The following SYNE1 variants were observed in gnomAD, a reference collection of about 807,000 sequenced individuals.
SYNE1 encodes the protein nesprin-1.
SYNE1 carries 616 observed loss-of-function variants against 1,111.0 expected under a neutral mutation model. That is an observed-to-expected ratio of 0.55 (90% CI 0.52 to 0.59). The LOEUF (loss-of-function observed/expected upper bound fraction) is 0.59. Ranked by LOEUF, SYNE1 falls within the 20% of genes least tolerant of loss-of-function variation. The pLI is 0.00. For synonymous variants in SYNE1, 3,855 were observed against 3,825.8 expected (o/e 1.01, Z -0.28); for missense variants, 10,006 against 10,417.0 (o/e 0.96, Z 1.72).
chr6:152,528,940 C>A (rs1049064121), intron 4 of SYNE1, among the ~76,000 whole-genome samples: 2 of 152,116 alleles, frequency 1.3e-5, no homozygotes, highest in South Asian at 2.1e-4. Flanking sequence ...TCCTGTCTAA[C>A]AAGGTGACTC....
intron 97 of SYNE1, among the ~76,000 whole-genome samples, chr6:152,278,769 T>C (rs945455394): frequency 1.3e-5 from 2 of 151,678 alleles, no homozygotes; most frequent in South Asian, 2.1e-4. Context: ...GGCCCTTTTT[T>C]GTTTTTGTTT....
At chr6:152,263,589 G>A (rs573244754) in intron 100 of SYNE1, among the ~76,000 whole-genome samples, 1 of 151,156 alleles carries the variant, frequency 6.6e-6, no homozygotes, top group Non-Finnish European at 1.5e-5. Context: ...TGTAGAGACA[G>A]GGTCTCACTA....
At chr6:152,597,943 A>G (rs2099586444) in intron 3 of SYNE1, among the ~76,000 whole-genome samples, 1 of 152,172 alleles carries the variant, frequency 6.6e-6, no homozygotes, top group African/African-American at 2.4e-5. Context: ...TTGATCCACG[A>G]GCTCCATCTA....
rs1164208064 is a variant in SYNE1, at chr6:152,140,178, A to G, written c.25247-17T>C. 4 of 1,613,278 alleles carry G rather than the reference A, an allele frequency of 2.5e-6. No individual in the cohort carries two copies. Among genetic ancestry groups the G allele is most frequent in the South Asian group, 1.1e-5 (1 of 91,072 alleles). On this transcript the variant is annotated splice_polypyrimidine_tract_variant and intron_variant, in intron 139 of 145. Transcript: ENST00000367255. ...CAATCACACCTGGCAAGACATGCAT[A>G]GAACAGTGAGGTTATTTTCCTCTAC...
chr6:152,176,437 C>T lies in SYNE1; in HGVS notation c.23584G>A (p.Val7862Ile), dbSNP rs754870774. 6.2e-7 allele frequency: 1 copy of T among 1,613,994 alleles called. No individual in the cohort carries two copies. Reference protein sequence around the residue: ...ASEIEYKLGKVNDRWQHLLDL... With the variant: ...ASEIEYKLGKINDRWQHLLDL... ...AGGAGATGCTGCCACCGGTCGTTGACCTTTCCCAGCTTGTATTCAATCTCA... is the reference window on the plus strand; with the variant it reads ...AGGAGATGCTGCCACCGGTCGTTGATCTTTCCCAGCTTGTATTCAATCTCA... The change falls in exon 130 of 146, where the codon GTC (valine) becomes ATC (isoleucine). Residue 7862 changes from valine to isoleucine, a missense_variant. Val to Ile is a conservative substitution (Grantham distance 29). Coordinates refer to ENST00000367255, the MANE Select transcript of SYNE1 (RefSeq NM_182961.4).
At chr6:152,269,362 T>G in intron 98 of SYNE1, 76 bp from the exon 99 acceptor site, 1 of 1,608,706 alleles carries the variant, frequency 6.2e-7, no homozygotes, top group Admixed American at 1.7e-5. Context: ...AAGGCTACTT[T>G]GGTGTGATCT....
At chr6:152,197,621 G>A (rs563004847) in intron 127 of SYNE1, among the ~76,000 whole-genome samples, 16 of 152,262 alleles carry the variant, frequency 1.1e-4, no homozygotes, top group Middle Eastern at 3.4e-3. Flanking sequence ...GGGTGACTAC[G>A]TGCATTATCA....
At chr6:152,631,822 C>T (rs1206086236) in intron 2 of SYNE1, among the ~76,000 whole-genome samples, 2 of 152,084 alleles carry the variant, frequency 1.3e-5, no homozygotes. Flanking sequence ...ATTAATTGAG[C>T]TCAGCAGAAG....
At chr6:152,615,727 G>A (rs1211897493) in intron 3 of SYNE1, among the ~76,000 whole-genome samples, 1 of 152,110 alleles carries the variant, frequency 6.6e-6, no homozygotes, top group African/African-American at 2.4e-5. Flanking sequence ...TAATTATATA[G>A]TCAAAGAAGT....
At chr6:152,421,715 A>ATTTT (rs1275113073) in intron 39 of SYNE1, among the ~76,000 whole-genome samples, 2 of 131,832 alleles carry the variant, frequency 1.5e-5, no homozygotes, top group Non-Finnish European at 3.2e-5. Context: ...TTATTTATTT[A>ATTTT]TTTTTTGGAG....
In SYNE1 at chr6:152,409,102, G is replaced by C; in HGVS notation, c.6506C>G (p.Thr2169Arg). ...TTTGTCCACGGTGCTCTCCATGTCTGTTTTCACCAAGCTGAAATCACTACT... is the reference window on the plus strand; with the variant it reads ...TTTGTCCACGGTGCTCTCCATGTCTCTTTTCACCAAGCTGAAATCACTACT... ...IHSSDFSLVK[T>R]DMESTVDKWL... Residue 2169 changes from threonine to arginine, a missense_variant, in exon 44 of 146, where the codon ACA becomes AGA. Transcript: ENST00000367255. 6.2e-7 allele frequency: 1 copy of C among 1,614,110 alleles called. No individual in the cohort carries two copies. The highest frequency in any genetic ancestry group is 8.5e-7 in the Non-Finnish European group (1 of 1,179,994).
intron 3 of SYNE1, among the ~76,000 whole-genome samples, chr6:152,607,545 A>T (rs1249306839): frequency 2.0e-5 from 3 of 152,172 alleles, no homozygotes; most frequent in Admixed American, 6.5e-5. Flanking sequence ...GAAACAACAG[A>T]TGCTGGCAAG....
In SYNE1 at chr6:152,390,276, G is replaced by C; in HGVS notation, c.8177+4C>G. The stretch of plus-strand genomic sequence containing the variant: ...TAAACAAACTCTAAAAATAGGTTCT[G>C]TACCTTTGAGCGTGGACGGAGGAGC... On this transcript the variant is annotated splice_donor_region_variant and intron_variant, in intron 53 of 145. Transcript: ENST00000367255. 1 of 1,613,936 alleles carries C rather than the reference G, an allele frequency of 6.2e-7. No homozygotes were observed. The highest frequency in any genetic ancestry group is 2.2e-5 in the East Asian group (1 of 44,868).
At chr6:152,242,561 C>A in intron 106 of SYNE1, 121 bp from the exon 107 acceptor site, 3 of 1,036,294 alleles carry the variant, frequency 2.9e-6, no homozygotes. Flanking sequence ...CAGGGATGTG[C>A]CTCCTGGAAA....
chr6:152,586,920 G>A (rs1294093204), intron 3 of SYNE1, among the ~76,000 whole-genome samples: 1 of 152,104 alleles, frequency 6.6e-6, no homozygotes, highest in Non-Finnish European at 1.5e-5. Context: ...GCAGCTCTAT[G>A]TTGTCTTCTT....
At position 152,236,321 on chromosome 6, in the gene SYNE1, T is replaced by C; in HGVS notation, c.20200-18A>G. 2 of 1,593,620 alleles carry C rather than the reference T, an allele frequency of 1.3e-6. No homozygotes were observed. The highest frequency in any genetic ancestry group is 1.7e-6 in the Non-Finnish European group (2 of 1,162,864). Reference sequence around the variant, plus strand: ...TTTAAATGCTAAAATATTGAAATTATTGAGTTAAAAGTTTGGATATGCAAT... The same window carrying C: ...TTTAAATGCTAAAATATTGAAATTACTGAGTTAAAAGTTTGGATATGCAAT... On this transcript the variant is annotated intron_variant, in intron 109 of 145. Coordinates refer to ENST00000367255, the MANE Select transcript of SYNE1 (RefSeq NM_182961.4).
At position 152,353,547 on chromosome 6, in the gene SYNE1, G is replaced by A. The variant is rs200134265; in HGVS notation, c.11082+42C>T. 112 of 1,614,020 alleles carry A rather than the reference G, an allele frequency of 6.9e-5. No homozygotes were observed. The East Asian group carries it at 8.5e-4, about 12-fold the overall frequency. ...TGAAAGGAAGGCTATTTTGGCTGGC[G>A]AAGTTTGCTGGTCTATGCTGAGCAC... On this transcript the variant is annotated intron_variant, in intron 68 of 145. Coordinates refer to ENST00000367255, the MANE Select transcript of SYNE1 (RefSeq NM_182961.4).
At chr6:152,240,139 A>T (rs2085234872) in intron 107 of SYNE1, among the ~76,000 whole-genome samples, 1 of 152,136 alleles carries the variant, frequency 6.6e-6, no homozygotes, top group African/African-American at 2.4e-5. Flanking sequence ...AGGACAAGGG[A>T]GGGCAGAGGG....
intron 4 of SYNE1, among the ~76,000 whole-genome samples, chr6:152,534,434 A>G (rs1266801356): frequency 6.6e-6 from 1 of 152,122 alleles, no homozygotes; most frequent in Non-Finnish European, 1.5e-5. Flanking sequence ...TAGAATGTTT[A>G]GGGTTGACAA....
Sources: allele counts gnomAD v4.1 joint callset (sites outside exome capture counted in the v4.1 genomes callset), GRCh38; gene constraint gnomAD v4.1.1; transcripts MANE v1.5; gene names NCBI Gene and HGNC (gene_info 2026-07-23, HGNC 2026-07-21).